Variants in HDHD5 observed in about 807,000 individuals in gnomAD.
HDHD5 encodes the protein haloacid dehalogenase-like hydrolase domain-containing 5.
Under a neutral mutation model 35.5 loss-of-function variants are expected in HDHD5, and 34 were observed. The observed-to-expected ratio is 0.96, with a 90% CI of 0.73 to 1.28. The LOEUF (loss-of-function observed/expected upper bound fraction) is 1.28, where lower values mean the gene tolerates loss of function less well. Ranked by LOEUF, HDHD5 falls within the 50% of genes most tolerant of loss-of-function variation. HDHD5 has a pLI of 0.00. For synonymous variants in HDHD5, 248 were observed against 240.6 expected (o/e 1.03, Z -0.29); for missense variants, 589 against 560.2 (o/e 1.05, Z -0.52).
intron 1 of HDHD5, among the ~76,000 whole-genome samples, chr22:17,151,486 T>C (rs938022298): frequency 6.6e-6 from 1 of 151,914 alleles, no homozygotes; most frequent in Non-Finnish European, 1.5e-5. Context: ...TCCCAGCACT[T>C]TGGGAGGCTC....
At chr22:17,141,363 C>T (rs1190811415) in intron 5 of HDHD5, 130 bp from the exon 6 acceptor site, 1 of 1,423,216 alleles carries the variant, frequency 7.0e-7, no homozygotes, top group South Asian at 1.6e-5. Context: ...AGGGGCACAG[C>T]TCCCCAACAA....
intron 4 of HDHD5, among the ~76,000 whole-genome samples, chr22:17,143,913 A>G (rs2061627831): frequency 6.6e-6 from 1 of 152,256 alleles, no homozygotes; most frequent in African/African-American, 2.4e-5. Flanking sequence ...GGGCACCTCA[A>G]GAGATGGCAG....
Position 17,143,121 on chromosome 22 carries a change from C to T in HDHD5, c.548G>A (p.Arg183Lys). The T allele has an allele frequency of 6.2e-6, 10 of 1,609,588 alleles. No homozygotes were observed. The highest frequency in any genetic ancestry group is 8.5e-6 in the Non-Finnish European group (10 of 1,178,262). ...ERRLKTTPLP[R>K]NDFPRIEGVL... ...ACCTTCAATGCGGGGGAAGTCATTCCTCGGGAGGGGCTGCAGAGAGACAAA... is the reference window on the plus strand; with the variant it reads ...ACCTTCAATGCGGGGGAAGTCATTCTTCGGGAGGGGCTGCAGAGAGACAAA... The change falls in exon 5 of 8, where the codon AGG becomes AAG. Residue 183 changes from arginine (R) to lysine (K), a missense_variant. Coordinates refer to ENST00000336737, the MANE Select transcript of HDHD5 (RefSeq NM_033070.3).
chr22:17,162,303 G>A (rs2061868322), upstream of HDHD5, among the ~76,000 whole-genome samples: 1 of 152,156 alleles, frequency 6.6e-6, no homozygotes, highest in Non-Finnish European at 1.5e-5. Flanking sequence ...AGATACTGAA[G>A]GTTTGTTGTT....
At chr22:17,140,172 T>TG (rs1302026777) in intron 6 of HDHD5, among the ~76,000 whole-genome samples, 1 of 152,208 alleles carries the variant, frequency 6.6e-6, no homozygotes, top group African/African-American at 2.4e-5. Flanking sequence ...CACTGTCGAC[T>TG]GGGGGTCAAC....
chr22:17,160,522 G>A (rs997771291), upstream of HDHD5, among the ~76,000 whole-genome samples: 10 of 150,586 alleles, frequency 6.6e-5, no homozygotes, highest in South Asian at 2.1e-3. Context: ...GGTGGCAGGC[G>A]CCTCAAGTCC....
At chr22:17,161,886 GAAAA>G (rs71200232), upstream of HDHD5, among the ~76,000 whole-genome samples, 22 of 138,100 alleles carry the variant, frequency 1.6e-4, no homozygotes, top group East Asian at 2.3e-3. Context: ...AAAAAAAAAA[GAAAA>G]AAAAAAAACC....
intron 4 of HDHD5, chr22:17,143,354 T>A: frequency 2.1e-6 from 1 of 477,102 alleles, no homozygotes; most frequent in South Asian, 3.4e-5. Context: ...CAGGACACCA[T>A]GGGTGAAGTC....
At chr22:17,159,286 G>GGCCC (rs1555882038), upstream of HDHD5, 4 of 1,040,522 alleles carry the variant, frequency 3.8e-6, no homozygotes, top group African/African-American at 5.1e-5. Context: ...ACGGCGTGCG[G>GGCCC]CCCCCCCCCC....
rs368597604 is a variant in HDHD5 at position 17,138,789 on chromosome 22, T to A, written c.747-51A>T. On this transcript the variant is annotated intron_variant, in intron 6 of 7. Transcript: ENST00000336737. ...TCAGTCTTCCTGATCTCCAGGCTCT[T>A]CTAGAGAACACGACTGCCACTGTCT... is the stretch of plus-strand genomic sequence containing the variant. The A allele has an allele frequency of 5.0e-6, 8 of 1,600,496 alleles. No individual in the cohort carries two copies. The African/African-American group carries it at 9.4e-5, about 19-fold the overall frequency.
rs1169115168 is a variant in HDHD5 at position 17,141,132 on chromosome 22, G to C, written c.673C>G (p.Pro225Ala). 6.3e-7 allele frequency: 1 copy of C among 1,595,338 alleles called. No individual in the cohort carries two copies. Among genetic ancestry groups the C allele is most frequent in the Admixed American group, 1.8e-5 (1 of 55,998 alleles). Reference sequence around the variant, plus strand: ...AGGACGGGGAGGTGGGGGTAGGGGGGTGTTGCCAGGCCAGCCCCAGGGCTC... The same window carrying C: ...AGGACGGGGAGGTGGGGGTAGGGGGCTGTTGCCAGGCCAGCCCCAGGGCTC... ...NGSPGAGLAT[P>A]PYPHLPVLAS... is the part of the protein sequence containing the mutation. Residue 225 changes from proline (P) to alanine (A), a missense_variant, in exon 6 of 8, where the codon CCC becomes GCC. Transcript: ENST00000336737.
intron 1 of HDHD5, 65 bp from the exon 2 acceptor site, chr22:17,149,810 G>T: frequency 7.0e-7 from 1 of 1,424,518 alleles, no homozygotes; most frequent in Non-Finnish European, 9.8e-7. Flanking sequence ...ACAAAGAGAG[G>T]CTCAACACCA....
At chr22:17,156,699 C>G (rs1017401837) in intron 1 of HDHD5, among the ~76,000 whole-genome samples, 2 of 151,238 alleles carry the variant, frequency 1.3e-5, no homozygotes, top group African/African-American at 4.9e-5. Flanking sequence ...TGATGTGAAC[C>G]CAGGAGGCAG....
chr22:17,139,496 C>A (rs1242644531), intron 6 of HDHD5, among the ~76,000 whole-genome samples: 1 of 151,602 alleles, frequency 6.6e-6, no homozygotes, highest in East Asian at 1.9e-4. Context: ...CCACTGCATT[C>A]CAGCCTGGGC....
intron 6 of HDHD5, among the ~76,000 whole-genome samples, chr22:17,140,740 A>G (rs2061590254): frequency 1.3e-5 from 2 of 152,234 alleles, no homozygotes. Context: ...GATACGGTAC[A>G]AAAAGTGCCC....
upstream of HDHD5, among the ~76,000 whole-genome samples, chr22:17,164,222 GAAAAAAAAA>G (rs60212114): frequency 1.8e-5 from 2 of 111,954 alleles, no homozygotes; most frequent in South Asian, 3.0e-4. Flanking sequence ...CTCCATCTCA[GAAAAAAAAA>G]AAAAAAAAAA....
chr22:17,154,262 C>T (rs1274145221), intron 1 of HDHD5, among the ~76,000 whole-genome samples: 2 of 151,588 alleles, frequency 1.3e-5, no homozygotes, highest in African/African-American at 2.4e-5. Flanking sequence ...GTGGGCAGAT[C>T]GCCTGAGGTT....
At chr22:17,153,517 C>CTATT (rs1416464792) in intron 1 of HDHD5, among the ~76,000 whole-genome samples, 1 of 152,188 alleles carries the variant, frequency 6.6e-6, no homozygotes, top group Non-Finnish European at 1.5e-5. Context: ...GAGCCCCTCC[C>CTATT]TATTCCCCAA....
At chr22:17,139,408 G>A (rs1291180260) in intron 6 of HDHD5, among the ~76,000 whole-genome samples, 3 of 151,954 alleles carry the variant, frequency 2.0e-5, no homozygotes, top group East Asian at 1.9e-4. Context: ...CATGCCTGTA[G>A]TCCCAGCTAC....
Sources: allele counts gnomAD v4.1 joint callset (sites outside exome capture counted in the v4.1 genomes callset), GRCh38; gene constraint gnomAD v4.1.1; transcripts MANE v1.5; gene names NCBI Gene and HGNC (gene_info 2026-07-23, HGNC 2026-07-21).